PARP11: variants seen among roughly 807,000 people sequenced by gnomAD.
PARP11 encodes poly(ADP-ribose) polymerase family member 11, also known as protein mono-ADP-ribosyltransferase PARP11.
Under a neutral mutation model 42.9 loss-of-function variants are expected in PARP11, and 31 were observed. The observed-to-expected ratio is 0.72, with a 90% CI of 0.54 to 0.98. PARP11 has a LOEUF of 0.98. Among genes scored for constraint, PARP11 ranks in the 50% least tolerant of loss-of-function variants. The pLI is 0.00. For missense variants in PARP11, 365 were observed against 413.1 expected, an observed-to-expected ratio of 0.88 and a Z score of 1.01; for synonymous variants, 137 against 127.3, an observed-to-expected ratio of 1.08 and a Z score of -0.51.
intron 1 of PARP11, among the ~76,000 whole-genome samples, chr12:3,847,800 T>G (rs1457478576): frequency 6.6e-6 from 1 of 152,202 alleles, no homozygotes; most frequent in East Asian, 1.9e-4. Context: ...TTACTCAACA[T>G]GATATTGGAA....
chr12:3,856,884 TC>T (rs1948200541), intron 1 of PARP11, among the ~76,000 whole-genome samples: 2 of 152,102 alleles, frequency 1.3e-5, no homozygotes, highest in African/African-American at 2.4e-5. Context: ...AACCCAAATG[TC>T]CATCAATGAT....
intron 2 of PARP11, 55 bp downstream of exon 2, chr12:3,829,835 A>G (rs942764364): frequency 4.5e-6 from 7 of 1,568,732 alleles, no homozygotes; most frequent in Non-Finnish European, 6.1e-6. Flanking sequence ...TACATCAGCA[A>G]GGTGATGCTA....
At chr12:3,832,949 T>G (rs1465101699) in intron 1 of PARP11, among the ~76,000 whole-genome samples, 1 of 152,190 alleles carries the variant, frequency 6.6e-6, no homozygotes, top group Non-Finnish European at 1.5e-5. Flanking sequence ...TAATGTTATC[T>G]GTTACAAAGA....
At chr12:3,849,515 A>G (rs1948057572) in intron 1 of PARP11, among the ~76,000 whole-genome samples, 1 of 152,208 alleles carries the variant, frequency 6.6e-6, no homozygotes, top group Admixed American at 6.5e-5. Flanking sequence ...CATGGATGAA[A>G]TGAGAATTCG....
At position 3,840,705 on chromosome 12, in the gene PARP11, A is replaced by G; in HGVS notation, c.19-10687T>C. On this transcript the variant is annotated intron_variant, in intron 1 of 7. Transcript: ENST00000228820. This position sits in a 1 kb window ranked among gnomAD's most constrained non-coding sequence, Gnocchi z 4.4. ...GGAAGCAGGCGGAGAATGGATACAG[A>G]AGAACGAAAAGACAAAGACTCTATT... 1 of 1,263,244 alleles carries G rather than the reference A, an allele frequency of 7.9e-7. No individual in the cohort carries two copies. The highest frequency in any genetic ancestry group is 1.2e-5 in the South Asian group (1 of 83,970). The allele number at this position is 1,263,244 out of a possible 1,614,324, so 78.3% of individuals were successfully genotyped here. A position where few individuals can be genotyped will look rare whatever the true frequency, so the allele number is the denominator to read the frequency against.
At chr12:3,858,516 A>C (rs1948231901) in intron 1 of PARP11, among the ~76,000 whole-genome samples, 1 of 152,240 alleles carries the variant, frequency 6.6e-6, no homozygotes, top group South Asian at 2.1e-4. Context: ...TTTAAAAGCC[A>C]TCCAGCAAAA....
At chr12:3,848,940 T>A (rs1948046489) in intron 1 of PARP11, among the ~76,000 whole-genome samples, 2 of 147,558 alleles carry the variant, frequency 1.4e-5, no homozygotes. Flanking sequence ...TATAAGGAGC[T>A]CAAACAATTC....
chr12:3,816,860 C>T (rs778392798), intron 6 of PARP11, among the ~76,000 whole-genome samples: 4 of 151,970 alleles, frequency 2.6e-5, no homozygotes, highest in Non-Finnish European at 5.9e-5. Flanking sequence ...TGAGATTGTG[C>T]CACCGCACTG....
intron 1 of PARP11, among the ~76,000 whole-genome samples, chr12:3,864,559 A>AT (rs1159472061): frequency 2.6e-5 from 4 of 152,104 alleles, no homozygotes; most frequent in Non-Finnish European, 4.4e-5. Context: ...TTTTAGAATG[A>AT]TTTTTTTCTG....
chr12:3,821,836 G>A, intron 6 of PARP11, 37 bp downstream of exon 6: 1 of 1,580,290 alleles, frequency 6.3e-7, no homozygotes, highest in Non-Finnish European at 8.6e-7. Context: ...AAAAGACATA[G>A]TGGAAAGGAG....
intron 1 of PARP11, chr12:3,872,840 C>A (rs1163243789): frequency 1.0e-5 from 10 of 982,658 alleles, no homozygotes; most frequent in Non-Finnish European, 1.2e-5. Context: ...GCACGACAAT[C>A]GCTTTAACCC....
chr12:3,846,251 A>G (rs1426917804), intron 1 of PARP11, among the ~76,000 whole-genome samples: 1 of 152,030 alleles, frequency 6.6e-6, no homozygotes, highest in African/African-American at 2.4e-5. Context: ...GCTGCATTAT[A>G]TATAAAACTG....
intron 1 of PARP11, among the ~76,000 whole-genome samples, chr12:3,851,339 G>A (rs1948092469): frequency 6.6e-6 from 1 of 152,246 alleles, no homozygotes; most frequent in Admixed American, 6.5e-5. Flanking sequence ...GGGATTGGGG[G>A]ATTTCCCTTT....
chr12:3,847,094 CAGA>C (rs1165787342), intron 1 of PARP11, among the ~76,000 whole-genome samples: 3 of 151,836 alleles, frequency 2.0e-5, no homozygotes, highest in South Asian at 2.1e-4. Flanking sequence ...AAAAAGAAAA[CAGA>C]AGAAGAGAAA....
At chr12:3,870,458 G>C (rs931312645) in intron 1 of PARP11, among the ~76,000 whole-genome samples, 26 of 152,156 alleles carry the variant, frequency 1.7e-4, no homozygotes, top group Non-Finnish European at 3.7e-4. Flanking sequence ...ATGAGATAAT[G>C]ATATAACAAA....
chr12:3,826,280 AC>A, intron 3 of PARP11, 47 bp from the exon 4 acceptor site: 1 of 1,352,370 alleles, frequency 7.4e-7, no homozygotes, highest in Non-Finnish European at 1.0e-6. Context: ...AGTACACTGT[AC>A]TATAAAGTGT....
At chr12:3,865,659 C>A (rs992177175) in intron 1 of PARP11, among the ~76,000 whole-genome samples, 2 of 152,072 alleles carry the variant, frequency 1.3e-5, no homozygotes, top group African/African-American at 2.4e-5. Context: ...CAACAATAAA[C>A]CACTCACACT....
chr12:3,813,276 T>G (rs1457499556), intron 7 of PARP11, among the ~76,000 whole-genome samples: 2 of 152,240 alleles, frequency 1.3e-5, no homozygotes, highest in African/African-American at 4.8e-5. Context: ...GGGATAACAA[T>G]TCAGTAATAT....
At chr12:3,824,419 A>T (rs549056771) in intron 4 of PARP11, among the ~76,000 whole-genome samples, 78 of 152,252 alleles carry the variant, frequency 5.1e-4, no homozygotes, top group South Asian at 1.4e-3. Flanking sequence ...TGACCAAAAA[A>T]TTTTTTTAGT....
Sources: gnomAD v4.1 joint callset for allele counts (sites outside exome capture counted in the v4.1 genomes callset) on GRCh38, gnomAD v4.1.1 for gene constraint, Gnocchi (gnomAD v3.1) non-coding constraint, MANE v1.5 for transcripts, NCBI Gene and HGNC (gene_info 2026-07-23, HGNC 2026-07-21) for gene names.